CNTNAP2: variants seen among roughly 807,000 people sequenced by gnomAD.
CNTNAP2 encodes contactin-associated protein-like 2.
CNTNAP2 carries 98 observed loss-of-function variants against 155.2 expected under a neutral mutation model. That is an observed-to-expected ratio of 0.63 (90% CI 0.54 to 0.75). The LOEUF is 0.75. Among genes scored for constraint, CNTNAP2 ranks in the 30% least tolerant of loss-of-function variants. CNTNAP2 has a pLI of 0.00. For synonymous variants in CNTNAP2, 651 were observed against 631.2 expected, an observed-to-expected ratio of 1.03 and a Z score of -0.47; for missense variants, 1,727 against 1,688.1, an observed-to-expected ratio of 1.02 and a Z score of -0.40.
intron 3 of CNTNAP2, among the ~76,000 whole-genome samples, chr7:146,864,160 A>G (rs1795157742): frequency 6.6e-6 from 1 of 152,094 alleles, no homozygotes. Context: ...AAAAATTACA[A>G]AAGAATAAAA....
intron 1 of CNTNAP2, among the ~76,000 whole-genome samples, chr7:146,509,017 T>C (rs1089444): frequency 1 from 152,120 of 152,298 alleles, 75,972 homozygotes; most frequent in Middle Eastern, 1. Flanking sequence ...TGCAGCACCC[T>C]GCACACAGAT....
intron 1 of CNTNAP2, among the ~76,000 whole-genome samples, chr7:146,610,060 T>C (rs1799109094): frequency 6.6e-6 from 1 of 152,210 alleles, no homozygotes; most frequent in South Asian, 2.1e-4. Flanking sequence ...GCGAGAACCA[T>C]TGTTTTTAAC....
chr7:147,968,426 G>A (rs958719909), intron 14 of CNTNAP2, among the ~76,000 whole-genome samples: 1 of 152,130 alleles, frequency 6.6e-6, no homozygotes, highest in Non-Finnish European at 1.5e-5. Flanking sequence ...TTGCTTCCTA[G>A]CAACACTAGC....
At chr7:148,178,803 C>A (rs1193256862) in intron 18 of CNTNAP2, among the ~76,000 whole-genome samples, 1 of 152,192 alleles carries the variant, frequency 6.6e-6, no homozygotes, top group Non-Finnish European at 1.5e-5. Flanking sequence ...AGCAAATGTC[C>A]TTTTCATTCT....
chr7:146,465,134 C>CCACA (rs35434111), intron 1 of CNTNAP2, among the ~76,000 whole-genome samples: 2 of 149,746 alleles, frequency 1.3e-5, no homozygotes, highest in African/African-American at 2.4e-5. Flanking sequence ...CACACACACA[C>CCACA]CACACACACA....
chr7:147,270,605 G>A (rs1222964757), intron 8 of CNTNAP2, among the ~76,000 whole-genome samples: 3 of 152,156 alleles, frequency 2.0e-5, no homozygotes, highest in South Asian at 4.1e-4. Context: ...CCACACAATA[G>A]ACCTAGGGTA....
At chr7:147,330,751 C>G (rs1484682106) in intron 9 of CNTNAP2, among the ~76,000 whole-genome samples, 1 of 152,128 alleles carries the variant, frequency 6.6e-6, no homozygotes, top group Non-Finnish European at 1.5e-5. Context: ...TGGCTTCACC[C>G]TGAACTCCTC....
chr7:146,516,340 A>G (rs538706363), intron 1 of CNTNAP2, among the ~76,000 whole-genome samples: 1 of 152,092 alleles, frequency 6.6e-6, no homozygotes, highest in Non-Finnish European at 1.5e-5. Flanking sequence ...ACACACATTT[A>G]CAGACCAGAA....
intron 13 of CNTNAP2, among the ~76,000 whole-genome samples, chr7:147,804,687 G>A (rs1190139532): frequency 6.6e-6 from 1 of 152,026 alleles, no homozygotes; most frequent in African/African-American, 2.4e-5. Flanking sequence ...CCGAATAGCT[G>A]GGGTTATAGG....
At chr7:146,623,243 C>T (rs1799363161) in intron 1 of CNTNAP2, among the ~76,000 whole-genome samples, 1 of 152,052 alleles carries the variant, frequency 6.6e-6, no homozygotes, top group South Asian at 2.1e-4. Context: ...TTATTTTTTT[C>T]ACATTCTGCC....
At chr7:147,239,213 A>C (rs1263714559) in intron 8 of CNTNAP2, among the ~76,000 whole-genome samples, 3 of 152,116 alleles carry the variant, frequency 2.0e-5, no homozygotes, top group Non-Finnish European at 4.4e-5. Context: ...TTTACATCTC[A>C]AAACCTGCTC....
intron 1 of CNTNAP2, among the ~76,000 whole-genome samples, chr7:146,280,554 T>C (rs1349483569): frequency 6.6e-6 from 1 of 152,160 alleles, no homozygotes; most frequent in African/African-American, 2.4e-5. Flanking sequence ...GTACTAGTAA[T>C]GAACCCTCAT....
At chr7:148,055,166 G>T (rs1230113725) in intron 15 of CNTNAP2, among the ~76,000 whole-genome samples, 1 of 152,128 alleles carries the variant, frequency 6.6e-6, no homozygotes, top group Non-Finnish European at 1.5e-5. Context: ...TTATAGGTGT[G>T]AGCCACCATG....
intron 13 of CNTNAP2, among the ~76,000 whole-genome samples, chr7:147,884,692 G>C (rs1389762635): frequency 6.6e-6 from 1 of 152,146 alleles, no homozygotes; most frequent in African/African-American, 2.4e-5. Context: ...GTTTATATGT[G>C]TCCCTTTTAC....
chr7:147,188,848 A>G (rs964117371), intron 8 of CNTNAP2, among the ~76,000 whole-genome samples: 26 of 152,232 alleles, frequency 1.7e-4, no homozygotes, highest in African/African-American at 6.3e-4. Flanking sequence ...AATGTGAATA[A>G]TAATTGTAGA....
chr7:147,929,040 C>T (rs1266762567), intron 14 of CNTNAP2, among the ~76,000 whole-genome samples: 3 of 133,652 alleles, frequency 2.2e-5, no homozygotes, highest in East Asian at 2.2e-4. Flanking sequence ...TGCAGTGAGC[C>T]GAGACTGCGC....
intron 10 of CNTNAP2, among the ~76,000 whole-genome samples, chr7:147,426,371 A>G (rs1011792032): frequency 1.3e-5 from 2 of 152,134 alleles, no homozygotes; most frequent in African/African-American, 4.8e-5. Context: ...GGATATCCAG[A>G]ACATTTGTCA....
rs190176155 is a variant in CNTNAP2 at position 148,165,962 on chromosome 7, G to A, written c.2774-6280G>A. Among the ~76,000 whole-genome samples the A allele has an allele frequency of 2.3e-3, 345 of 152,080 alleles. 2 individuals carry two copies. Among genetic ancestry groups the A allele is most frequent in the African/African-American group, 7.7e-3 (319 of 41,498 alleles). On this transcript the variant is annotated intron_variant, in intron 17 of 23. Transcript: ENST00000361727. ...TCTCATGCCTCCTTCCCTTCCAACAGGCCTCCCCTACTTGCAGGATGGTAC... is the reference window on the plus strand; with the variant it reads ...TCTCATGCCTCCTTCCCTTCCAACAAGCCTCCCCTACTTGCAGGATGGTAC...
chr7:146,351,317 A>G (rs965600929), intron 1 of CNTNAP2, among the ~76,000 whole-genome samples: 2 of 152,238 alleles, frequency 1.3e-5, no homozygotes, highest in Admixed American at 1.3e-4. Context: ...AAATAAAAAC[A>G]TAATGTGTAT....
Sources: allele counts gnomAD v4.1 joint callset (sites outside exome capture counted in the v4.1 genomes callset), GRCh38; gene constraint gnomAD v4.1.1; transcripts MANE v1.5; gene names NCBI Gene and HGNC (gene_info 2026-07-23, HGNC 2026-07-21).